BRD4: variants seen among roughly 807,000 people sequenced by gnomAD.
BRD4 encodes the protein bromodomain-containing protein 4.
Under a neutral mutation model 142.1 loss-of-function variants are expected in BRD4, and 16 were observed. The observed-to-expected ratio is 0.11, with a 90% CI of 0.08 to 0.17. BRD4 has a LOEUF of 0.17. BRD4 is among the 10% of genes least tolerant of loss of function. The pLI, the probability that BRD4 is intolerant of heterozygous loss-of-function variation, is 1.00. For synonymous variants in BRD4, 833 were observed against 707.5 expected, an observed-to-expected ratio of 1.18 and a Z score of -2.82; for missense variants, 1,424 against 1,810.9, an observed-to-expected ratio of 0.79 and a Z score of 3.88.
rs751965642 is a variant in BRD4, at chr19:15,238,336, G to C, written c.*41C>G. The C allele has an allele frequency of 6.2e-7, 1 of 1,613,106 alleles. No individual in the cohort carries two copies. Among genetic ancestry groups the C allele is most frequent in the African/African-American group, 1.3e-5 (1 of 74,908 alleles). On this transcript the variant is annotated 3_prime_UTR_variant, in exon 20 of 20. Transcript: ENST00000679869. This position sits in a 1 kb window ranked among gnomAD's most constrained non-coding sequence, Gnocchi z 7.2. ...GCCCCTAACACTATGGAAAGTCAAT[G>C]TTTTGCCAGAAAATCAAAGTCAGAA...
chr19:15,272,707 T>G, intron 2 of BRD4, 108 bp downstream of exon 2: 3 of 1,077,782 alleles, frequency 2.8e-6, no homozygotes, highest in Non-Finnish European at 4.0e-6. Flanking sequence ...GCTCTCACCA[T>G]GATTCCAAAT....
chr19:15,249,482 C>T (rs2047321670), intron 11 of BRD4, among the ~76,000 whole-genome samples: 1 of 152,160 alleles, frequency 6.6e-6, no homozygotes, highest in South Asian at 2.1e-4. Context: ...ACCCACCGCC[C>T]GCTTAGAAAG....
intron 1 of BRD4, among the ~76,000 whole-genome samples, chr19:15,282,646 C>T (rs1036163686): frequency 2.6e-5 from 4 of 152,244 alleles, no homozygotes; most frequent in African/African-American, 7.2e-5. Context: ...TGCATTCCCA[C>T]TGACTCAGCT....
At chr19:15,278,536 C>A (rs568331085) in intron 1 of BRD4, among the ~76,000 whole-genome samples, 3 of 116,562 alleles carry the variant, frequency 2.6e-5, no homozygotes, top group African/African-American at 7.4e-5. Context: ...CTCTGCCCAA[C>A]CCCCGCCAAA....
At chr19:15,331,855 G>A (rs1480037930) in intron 1 of BRD4, 2 of 145,694 alleles carry the variant, frequency 1.4e-5, no homozygotes, top group South Asian at 2.1e-4. Flanking sequence ...GCGCGCCGCG[G>A]ACCCCGCGGC....
In BRD4 at chr19:15,249,318, TGAGA is replaced by T. The variant is rs1246530061; in HGVS notation, c.2159-4560_2159-4557del. ...ACGTAGAGGGAGAGAGAAACCAGTG[TGAGA>T]GAAATGGTGTGGAATGTACCATTTA... On this transcript the variant is annotated intron_variant, in intron 11 of 19. Transcript: ENST00000679869. The T allele has an allele frequency of 4.3e-6, 7 of 1,613,816 alleles. No homozygotes were observed. In the Admixed American group the frequency reaches 1.0e-4, roughly 23 times the overall value.
At chr19:15,331,554 G>C (rs896240887) in intron 1 of BRD4, among the ~76,000 whole-genome samples, 5 of 152,200 alleles carry the variant, frequency 3.3e-5, no homozygotes, top group Non-Finnish European at 4.4e-5. Flanking sequence ...CTCGCCTCCA[G>C]GGCACCGCTC....
At chr19:15,315,610 G>A (rs977676283) in intron 1 of BRD4, among the ~76,000 whole-genome samples, 1 of 151,996 alleles carries the variant, frequency 6.6e-6, no homozygotes, top group Non-Finnish European at 1.5e-5. Flanking sequence ...ATCCCAGCAT[G>A]TTGGGAGGAC....
rs2145495102 is a variant in BRD4, at chr19:15,237,641, A to G, written c.*736T>C. ...TATATAGAAAAAAAAGAAAAAAAAAAACGAAACAGAAACACAGGTGGGAAG... is the reference window on the plus strand; with the variant it reads ...TATATAGAAAAAAAAGAAAAAAAAAGACGAAACAGAAACACAGGTGGGAAG... On this transcript the variant is annotated 3_prime_UTR_variant, in exon 20 of 20. Transcript: ENST00000679869. The G allele has an allele frequency of 4.3e-6, 1 of 230,660 alleles. No individual in the cohort carries two copies. Among genetic ancestry groups the G allele is most frequent in the African/African-American group, 2.2e-5 (1 of 45,262 alleles). 14.3% of individuals were successfully genotyped at this position (230,660 alleles called of 1,614,324 possible). A position where few individuals can be genotyped will look rare whatever the true frequency, so the allele number is the denominator to read the frequency against.
chr19:15,298,526 C>G (rs957753356), intron 1 of BRD4, among the ~76,000 whole-genome samples: 1 of 145,308 alleles, frequency 6.9e-6, no homozygotes, highest in Admixed American at 7.3e-5. Context: ...GAGGCTGAAG[C>G]AGAAGAATCA....
chr19:15,268,326 G>C (rs1013265913), intron 3 of BRD4: 2 of 152,916 alleles, frequency 1.3e-5, no homozygotes, highest in African/African-American at 4.8e-5. Flanking sequence ...GAGCCGAAAG[G>C]TTTGGCTACG....
At chr19:15,299,374 TCTTTTACCCATCAAAGC>T (rs1478520573) in intron 1 of BRD4, among the ~76,000 whole-genome samples, 2 of 152,124 alleles carry the variant, frequency 1.3e-5, no homozygotes, top group Admixed American at 1.3e-4. Context: ...CCCATCAAAG[TCTTTTACCCATCAAAGC>T]CTGACACACT....
chr19:15,254,051 G>A (rs1482630944), intron 11 of BRD4, 101 bp downstream of exon 11: 5 of 980,748 alleles, frequency 5.1e-6, no homozygotes, highest in South Asian at 1.4e-5. Context: ...AGTTCTGGGA[G>A]TGCCGTCTCT....
chr19:15,241,066 G>A (rs1350252032), intron 14 of BRD4, among the ~76,000 whole-genome samples: 1 of 152,188 alleles, frequency 6.6e-6, no homozygotes, highest in East Asian at 1.9e-4. Flanking sequence ...CACTCCTAAC[G>A]CCAGAAGACA....
At chr19:15,253,929 G>A (rs1390330255) in intron 11 of BRD4, 2 of 772,884 alleles carry the variant, frequency 2.6e-6, no homozygotes, top group Non-Finnish European at 4.1e-6. Flanking sequence ...CCCTGGCAGG[G>A]AGAGCATAAC....
intron 1 of BRD4, among the ~76,000 whole-genome samples, chr19:15,288,437 G>A (rs898820609): frequency 3.3e-5 from 5 of 152,102 alleles, no homozygotes; most frequent in African/African-American, 1.2e-4. Flanking sequence ...GAAGAGGAGT[G>A]AAACACAGGA....
In BRD4 at chr19:15,235,676, C is replaced by T. The variant is rs896248754; in HGVS notation, c.*2701G>A. The T allele has an allele frequency of 1.3e-5, 2 of 152,050 alleles. No homozygotes were observed. The highest frequency in any genetic ancestry group is 4.8e-5 in the African/African-American group (2 of 41,390). The allele number at this position is 152,050 out of a possible 1,614,324, so 9.4% of individuals were successfully genotyped here. A position where few individuals can be genotyped will look rare whatever the true frequency, so the allele number is the denominator to read the frequency against. The stretch of plus-strand genomic sequence containing the variant: ...CAGATTCACTGACATAATTATTGGC[C>T]AAGCGATCCGTGCATACAGTACAGT... On this transcript the variant is annotated 3_prime_UTR_variant, in exon 20 of 20. Transcript: ENST00000679869.
chr19:15,254,286 G>A (rs200157171), intron 10 of BRD4, 24 bp from the exon 11 acceptor site: 1 of 1,598,678 alleles, frequency 6.3e-7, no homozygotes, highest in East Asian at 2.2e-5. Flanking sequence ...AATGGGAGCT[G>A]GTCAGGCAGG....
At chr19:15,240,518 C>CT (rs1204900476) in intron 14 of BRD4, among the ~76,000 whole-genome samples, 5 of 152,218 alleles carry the variant, frequency 3.3e-5, no homozygotes, top group Non-Finnish European at 5.9e-5. Context: ...GCTCAGGACC[C>CT]TCCCCACAGT....
Sources: allele counts gnomAD v4.1 joint callset (sites outside exome capture counted in the v4.1 genomes callset), GRCh38; gene constraint gnomAD v4.1.1; non-coding constraint Gnocchi (gnomAD v3.1); transcripts MANE v1.5; gene names NCBI Gene and HGNC (gene_info 2026-07-23, HGNC 2026-07-21).